DAB2IP: variants seen among roughly 807,000 people sequenced by gnomAD.
DAB2IP encodes the protein DAB2 interacting protein, also known as disabled homolog 2-interacting protein.
A neutral mutation model predicts 107.2 loss-of-function variants in DAB2IP; 28 were observed. That is an observed-to-expected ratio of 0.26 (90% CI 0.19 to 0.36). DAB2IP has a LOEUF of 0.36. Ranked by LOEUF, DAB2IP falls within the 10% of genes least tolerant of loss-of-function variation. The pLI is 1.00. For missense variants in DAB2IP, 1,400 were observed against 1,644.7 expected (o/e 0.85, Z 2.57); for synonymous variants, 755 against 706.4 (o/e 1.07, Z -1.09).
chr9:121,651,977 C>A lies in DAB2IP; in HGVS notation c.124+78C>A. On this transcript the variant is annotated intron_variant, in intron 1 of 15. Coordinates refer to ENST00000408936, the Ensembl canonical transcript of DAB2IP. The surrounding 1 kb of genome is among the most constrained non-coding windows in gnomAD (Gnocchi z 5.1). ...ACCTGATGCCCTGGGATGCTAGGGA[C>A]CGGGATCCTCCTTCCAGCCATTTGC... is the stretch of plus-strand genomic sequence containing the variant. 2 of 1,164,004 alleles carry A rather than the reference C, an allele frequency of 1.7e-6. No individual in the cohort carries two copies. The highest frequency in any genetic ancestry group is 1.1e-6 in the Non-Finnish European group (1 of 922,614). The allele number at this position is 1,164,004 out of a possible 1,614,324, so 72.1% of individuals were successfully genotyped here.
intron 3 of DAB2IP, 48 bp from the exon 4 acceptor site, chr9:121,756,965 T>A: frequency 6.2e-7 from 1 of 1,612,096 alleles, no homozygotes; most frequent in South Asian, 1.1e-5. Flanking sequence ...GGCAACCAGC[T>A]TGACCCGGGC....
intron 3 of DAB2IP, among the ~76,000 whole-genome samples, chr9:121,734,157 C>G (rs1411445030): frequency 7.1e-6 from 1 of 140,098 alleles, no homozygotes; most frequent in Non-Finnish European, 1.5e-5. Flanking sequence ...GCGGGTGGAT[C>G]ACGAGGTCAG....
At chr9:121,609,378 G>A (rs781316188) in intron 1 of DAB2IP, among the ~76,000 whole-genome samples, 1 of 152,166 alleles carries the variant, frequency 6.6e-6, no homozygotes, top group African/African-American at 2.4e-5. Flanking sequence ...TTTACAGGCT[G>A]TCTAGTGCAT....
rs572802122 is a variant in DAB2IP, at chr9:121,770,157, C to T, written c.1900-389C>T. 3.9e-5 allele frequency among the ~76,000 whole-genome samples: 6 copies of T among 152,276 alleles called. No individual in the cohort carries two copies. The South Asian group carries it at 8.3e-4, about 21-fold the overall frequency. On this transcript the variant is annotated intron_variant, in intron 10 of 15. Coordinates refer to ENST00000408936, the Ensembl canonical transcript of DAB2IP. Reference sequence around the variant, plus strand: ...AGGTGGGTCAGGCCCCAGCCCATCCCGTGGAGTAAGTGATGTGAGAGGGGC... The same window carrying T: ...AGGTGGGTCAGGCCCCAGCCCATCCTGTGGAGTAAGTGATGTGAGAGGGGC...
At chr9:121,761,473 G>C (rs1475992397) in intron 6 of DAB2IP, among the ~76,000 whole-genome samples, 1 of 152,212 alleles carries the variant, frequency 6.6e-6, no homozygotes, top group Non-Finnish European at 1.5e-5. Flanking sequence ...ATACCCCAGG[G>C]CAGAGTCCAG....
rs374841342 is a variant in DAB2IP at position 121,743,432 on chromosome 9, G to GT, written c.363-13571dup. ...CATGAATTTTGGAGTTTCGTTTTTT[G>GT]TTTTTTTTTTCTTTCCTGTTTCCTG... On this transcript the variant is annotated intron_variant, in intron 3 of 15. Transcript: ENST00000408936. Among the ~76,000 whole-genome samples the GT allele has an allele frequency of 3.2e-4, 48 of 148,274 alleles. No individual in the cohort carries two copies. In the South Asian group the frequency reaches 5.0e-3, roughly 15 times the overall value.
At chr9:121,615,047 GA>G (rs1349074819) in intron 1 of DAB2IP, among the ~76,000 whole-genome samples, 1 of 152,042 alleles carries the variant, frequency 6.6e-6, no homozygotes, top group East Asian at 1.9e-4. Context: ...TTTCCTTTCA[GA>G]AGTTATCTCA....
At chr9:121,612,155 C>CAA (rs532696495) in intron 1 of DAB2IP, among the ~76,000 whole-genome samples, 1 of 134,824 alleles carries the variant, frequency 7.4e-6, no homozygotes, top group Non-Finnish European at 1.6e-5. Flanking sequence ...CCTGTCTCTA[C>CAA]AAAAAAAAAA....
At chr9:121,656,253 C>T (rs1021684283) in intron 1 of DAB2IP, among the ~76,000 whole-genome samples, 3 of 152,066 alleles carry the variant, frequency 2.0e-5, no homozygotes, top group Non-Finnish European at 4.4e-5. Flanking sequence ...GGTGATACAC[C>T]CGCCTCGGCC....
chr9:121,578,799 G>A (rs1479450129), intron 1 of DAB2IP, among the ~76,000 whole-genome samples: 1 of 121,626 alleles, frequency 8.2e-6, no homozygotes, highest in Non-Finnish European at 1.6e-5. Flanking sequence ...GGAGTGCAGA[G>A]GCACGATCTT....
At chr9:121,758,472 C>T (rs149732137) in intron 4 of DAB2IP, among the ~76,000 whole-genome samples, 636 of 152,316 alleles carry the variant, frequency 4.2e-3, no homozygotes, top group Non-Finnish European at 6.2e-3. Flanking sequence ...CTGGTACCTA[C>T]CTTTAGTTGT....
At chr9:121,583,885 T>C (rs1830258882) in intron 1 of DAB2IP, among the ~76,000 whole-genome samples, 1 of 152,074 alleles carries the variant, frequency 6.6e-6, no homozygotes, top group Non-Finnish European at 1.5e-5. Flanking sequence ...TCCAATAGAA[T>C]ACAAACATTG....
At chr9:121,677,559 C>T (rs1828327521) in intron 1 of DAB2IP, among the ~76,000 whole-genome samples, 1 of 152,126 alleles carries the variant, frequency 6.6e-6, no homozygotes, top group Non-Finnish European at 1.5e-5. Flanking sequence ...CCAAGCTCCC[C>T]AAGTGTGGCA....
At chr9:121,770,479 T>TG (rs1675044148) in intron 10 of DAB2IP, 67 bp from the exon 11 acceptor site, 1 of 1,551,140 alleles carries the variant, frequency 6.4e-7, no homozygotes, top group South Asian at 1.2e-5. Context: ...CCATAGTGGC[T>TG]GCAGCACATA....
At chr9:121,670,312 G>A (rs1833624687) in intron 1 of DAB2IP, among the ~76,000 whole-genome samples, 1 of 152,174 alleles carries the variant, frequency 6.6e-6, no homozygotes, top group Non-Finnish European at 1.5e-5. Flanking sequence ...TTCTATGACT[G>A]CTGTAACAAG....
chr9:121,691,839 A>G (rs1247132602), intron 2 of DAB2IP, among the ~76,000 whole-genome samples: 1 of 152,220 alleles, frequency 6.6e-6, no homozygotes, highest in Non-Finnish European at 1.5e-5. Flanking sequence ...TGTGTCAAAC[A>G]GTGGAATTTC....
chr9:121,772,503 A>C lies in DAB2IP; in HGVS notation c.2079-104A>C. On this transcript the variant is annotated intron_variant, in intron 11 of 15. Coordinates refer to ENST00000408936, the Ensembl canonical transcript of DAB2IP. This position sits in a 1 kb window ranked among gnomAD's most constrained non-coding sequence, Gnocchi z 4.7. ...CTCCCCAGCGCTGGCTCAGGCTGCC[A>C]GGCCCCGGCAGGTTGGCGGGTGCTG... 7.7e-7 allele frequency: 1 copy of C among 1,306,078 alleles called. No individual in the cohort carries two copies. The highest frequency in any genetic ancestry group is 1.1e-6 in the Non-Finnish European group (1 of 939,038). The allele number at this position is 1,306,078 out of a possible 1,614,324, so 80.9% of individuals were successfully genotyped here.
chr9:121,733,842 A>G (rs1831695807), intron 3 of DAB2IP, among the ~76,000 whole-genome samples: 1 of 152,214 alleles, frequency 6.6e-6, no homozygotes, highest in African/African-American at 2.4e-5. Flanking sequence ...TGCACTGGGA[A>G]GAGTAAAAAA....
chr9:121,611,793 C>T (rs1384892329), intron 1 of DAB2IP, among the ~76,000 whole-genome samples: 6 of 152,024 alleles, frequency 3.9e-5, no homozygotes, highest in Non-Finnish European at 4.4e-5. Flanking sequence ...CCATGTTTGC[C>T]AGGGTGGTCT....
Sources: gnomAD v4.1 joint callset for allele counts (sites outside exome capture counted in the v4.1 genomes callset) on GRCh38, gnomAD v4.1.1 for gene constraint, Gnocchi (gnomAD v3.1) non-coding constraint, MANE v1.5 for transcripts, NCBI Gene and HGNC (gene_info 2026-07-23, HGNC 2026-07-21) for gene names.